The following TSPAN18 variants were observed in gnomAD, a reference collection of about 807,000 sequenced individuals.
TSPAN18 encodes the protein tetraspanin 18, also known as tetraspanin-18.
Under a neutral mutation model 27.3 loss-of-function variants are expected in TSPAN18, and 14 were observed. That is an observed-to-expected ratio of 0.51 (90% CI 0.34 to 0.80). The LOEUF (loss-of-function observed/expected upper bound fraction) is 0.80, where lower values mean the gene tolerates loss of function less well. Ranked by LOEUF, TSPAN18 falls within the 30% of genes least tolerant of loss-of-function variation. TSPAN18 has a pLI of 0.01. For missense variants in TSPAN18, 268 were observed against 323.9 expected (o/e 0.83, Z 1.32); for synonymous variants, 143 against 136.5 (o/e 1.05, Z -0.33).
At chr11:44,731,625 T>A (rs1419950342) in intron 1 of TSPAN18, among the ~76,000 whole-genome samples, 6 of 82,618 alleles carry the variant, frequency 7.3e-5, no homozygotes, top group Non-Finnish European at 1.7e-4. Flanking sequence ...TGTGTGTGTG[T>A]GTGTGTGTGA....
intron 3 of TSPAN18, among the ~76,000 whole-genome samples, chr11:44,887,388 C>T (rs1413584856): frequency 1.3e-5 from 2 of 152,228 alleles, no homozygotes; most frequent in African/African-American, 4.8e-5. Context: ...ACTCAAAGAG[C>T]ACTGGCTTTG....
chr11:44,773,716 T>C (rs997373398), intron 2 of TSPAN18, among the ~76,000 whole-genome samples: 3 of 151,992 alleles, frequency 2.0e-5, no homozygotes, highest in African/African-American at 4.8e-5. Context: ...GGTCAGAAGG[T>C]TGGGGAGACC....
chr11:44,915,636 C>T (rs1859877312), intron 5 of TSPAN18, among the ~76,000 whole-genome samples: 1 of 152,224 alleles, frequency 6.6e-6, no homozygotes, highest in African/African-American at 2.4e-5. Context: ...GAGACAGACT[C>T]ATGGGCTCAG....
chr11:44,824,473 A>C (rs1214841758), intron 2 of TSPAN18, among the ~76,000 whole-genome samples: 1 of 152,144 alleles, frequency 6.6e-6, no homozygotes, highest in Non-Finnish European at 1.5e-5. Flanking sequence ...TCAGAAAGGA[A>C]TGCTTCCCTA....
intron 2 of TSPAN18, among the ~76,000 whole-genome samples, chr11:44,852,281 A>G (rs835807): frequency 0.52 from 79,681 of 152,154 alleles, 22,247 homozygotes; most frequent in Non-Finnish European, 0.62. Context: ...TGAAGAGGCA[A>G]TGGCAATGTT....
chr11:44,842,235 C>A (rs1408326283), intron 2 of TSPAN18, among the ~76,000 whole-genome samples: 1 of 152,160 alleles, frequency 6.6e-6, no homozygotes, highest in African/African-American at 2.4e-5. Context: ...CCGTGGCTGC[C>A]CCTTGCCCAT....
rs1417145326 is a variant in TSPAN18, at chr11:44,822,145, T to A, written c.-152-38183T>A. Among the ~76,000 whole-genome samples, 3 of 152,118 alleles carry A rather than the reference T, an allele frequency of 2.0e-5. No homozygotes were observed. In the East Asian group the frequency reaches 5.8e-4, roughly 29 times the overall value. ...ACATTAGAGAACTTCTGTGTGTTGA[T>A]GAGACAGGGCCAGGGATAGGAGGCA... On this transcript the variant is annotated intron_variant, in intron 2 of 9. Transcript: ENST00000520358.
intron 7 of TSPAN18, 53 bp from the exon 8 acceptor site, chr11:44,919,764 G>T: frequency 6.4e-7 from 1 of 1,569,596 alleles, no homozygotes; most frequent in Non-Finnish European, 8.8e-7. Context: ...CTCTGTCCCC[G>T]CCCCTGTGTC....
intron 5 of TSPAN18, among the ~76,000 whole-genome samples, chr11:44,911,259 G>A (rs909878399): frequency 3.3e-5 from 5 of 152,082 alleles, no homozygotes; most frequent in Non-Finnish European, 7.3e-5. Context: ...TGGCTGGGGG[G>A]CTCCCTTGCA....
At chr11:44,824,690 C>T (rs751194100) in intron 2 of TSPAN18, among the ~76,000 whole-genome samples, 4 of 152,202 alleles carry the variant, frequency 2.6e-5, no homozygotes, top group African/African-American at 4.8e-5. Context: ...ATCCCAGCCG[C>T]GGAGGCCTTC....
chr11:44,791,678 C>T (rs886246856), intron 2 of TSPAN18, among the ~76,000 whole-genome samples: 2 of 152,234 alleles, frequency 1.3e-5, no homozygotes, highest in African/African-American at 4.8e-5. Flanking sequence ...GTCTGGGCAT[C>T]TGCTCTGGGA....
At position 44,793,978 on chromosome 11, in the gene TSPAN18, G is replaced by A. The variant is rs542179250; in HGVS notation, c.-153+29466G>A. ...TTTTTTTCTGAAAGGTTGAGGAACA[G>A]GGGGGTGGGGGGAGTTAGGCGATCT... On this transcript the variant is annotated intron_variant, in intron 2 of 9. Coordinates refer to ENST00000520358, the MANE Select transcript of TSPAN18 (RefSeq NM_130783.5). 3.9e-5 allele frequency among the ~76,000 whole-genome samples: 6 copies of A among 152,332 alleles called. No homozygotes were observed. In the East Asian group the frequency reaches 1.2e-3, roughly 29 times the overall value.
chr11:44,918,456 G>A (rs983348279), intron 6 of TSPAN18, among the ~76,000 whole-genome samples: 4 of 152,018 alleles, frequency 2.6e-5, no homozygotes, highest in African/African-American at 4.8e-5. Context: ...AAGCCACCAA[G>A]TTCCAGAGGC....
At position 44,742,064 on chromosome 11, in the gene TSPAN18, G is replaced by A. The variant is rs371110351; in HGVS notation, c.-240+14777G>A. Among the ~76,000 whole-genome samples, 5 of 152,162 alleles carry A rather than the reference G, an allele frequency of 3.3e-5. No individual in the cohort carries two copies. In the East Asian group the frequency reaches 9.6e-4, roughly 29 times the overall value. The stretch of plus-strand genomic sequence containing the variant: ...ATTTTTATCTCCATTTTACAGAATG[G>A]AAACCTGCTGCAGCTATGGAATCGG... On this transcript the variant is annotated intron_variant, in intron 1 of 9. Coordinates refer to ENST00000520358, the MANE Select transcript of TSPAN18 (RefSeq NM_130783.5).
chr11:44,747,929 T>G (rs1410888373), intron 1 of TSPAN18, among the ~76,000 whole-genome samples: 1 of 152,164 alleles, frequency 6.6e-6, no homozygotes, highest in African/African-American at 2.4e-5. Flanking sequence ...TCTCCCTGTC[T>G]CTCATCCCCC....
At chr11:44,829,496 A>T (rs1289858419) in intron 2 of TSPAN18, among the ~76,000 whole-genome samples, 2 of 152,152 alleles carry the variant, frequency 1.3e-5, no homozygotes, top group Non-Finnish European at 2.9e-5. Flanking sequence ...AGGTTCCCTC[A>T]TGTCTTTTTG....
intron 8 of TSPAN18, among the ~76,000 whole-genome samples, chr11:44,924,572 C>T (rs1256634957): frequency 2.6e-5 from 4 of 152,162 alleles, no homozygotes; most frequent in African/African-American, 9.7e-5. Flanking sequence ...GATTATGTCC[C>T]TGTGGCTGGC....
chr11:44,792,144 A>G (rs2135045229), intron 2 of TSPAN18, among the ~76,000 whole-genome samples: 1 of 152,336 alleles, frequency 6.6e-6, no homozygotes, highest in Non-Finnish European at 1.5e-5. Flanking sequence ...AATTAAATCT[A>G]TATTTCTTAT....
intron 3 of TSPAN18, among the ~76,000 whole-genome samples, chr11:44,901,064 C>T (rs181868324): frequency 7.9e-5 from 12 of 152,250 alleles, no homozygotes; most frequent in African/African-American, 2.6e-4. Context: ...AGTAACTTGC[C>T]CCACCAGCTA....
Sources: allele counts gnomAD v4.1 joint callset (sites outside exome capture counted in the v4.1 genomes callset), GRCh38; gene constraint gnomAD v4.1.1; transcripts MANE v1.5; gene names NCBI Gene and HGNC (gene_info 2026-07-23, HGNC 2026-07-21).